RAB3C: variants seen among roughly 807,000 people sequenced by gnomAD.
RAB3C encodes the protein RAB3C, member RAS oncogene family, also known as ras-related protein Rab-3C.
A neutral mutation model predicts 26.4 loss-of-function variants in RAB3C; 17 were observed. That is an observed-to-expected ratio of 0.64 (90% CI 0.44 to 0.97). The LOEUF (loss-of-function observed/expected upper bound fraction) is 0.97. Ranked by LOEUF, RAB3C falls within the 50% of genes least tolerant of loss-of-function variation. RAB3C has a pLI of 0.00. For synonymous variants in RAB3C, 91 were observed against 95.9 expected (o/e 0.95, Z 0.30); for missense variants, 242 against 281.9 (o/e 0.86, Z 1.01).
At position 58,724,997 on chromosome 5, in the gene RAB3C, G is replaced by A. The variant is rs191412803; in HGVS notation, c.253-1005G>A. On this transcript the variant is annotated intron_variant, in intron 2 of 4. Coordinates refer to ENST00000282878, the MANE Select transcript of RAB3C (RefSeq NM_138453.4). ...ATTGCCACCACAATTGTACAGTATT[G>A]TCGGTTTGTCTATGCGCTTAATTTT... Among the ~76,000 whole-genome samples the A allele has an allele frequency of 9.2e-4, 140 of 151,934 alleles. No individual in the cohort carries two copies. In the Middle Eastern group the frequency reaches 0.01, roughly 11 times the overall value.
At chr5:58,615,465 T>A (rs1440615100) in intron 1 of RAB3C, among the ~76,000 whole-genome samples, 3 of 152,194 alleles carry the variant, frequency 2.0e-5, no homozygotes, top group African/African-American at 7.2e-5. Flanking sequence ...GGACAATGTC[T>A]GCAGGAATAG....
At chr5:58,679,259 T>C (rs1007729773) in intron 2 of RAB3C, among the ~76,000 whole-genome samples, 10 of 152,096 alleles carry the variant, frequency 6.6e-5, no homozygotes, top group Admixed American at 6.5e-4. Context: ...GGGACTTGGC[T>C]CATTTTTTTT....
intron 2 of RAB3C, among the ~76,000 whole-genome samples, chr5:58,693,336 G>GTATGTATATATATATATATATATA (rs1341115094): frequency 1.8e-5 from 2 of 111,772 alleles, no homozygotes; most frequent in African/African-American, 7.5e-5. Context: ...ATATATATGT[G>GTATGTATATATATATATATATATA]TATATATATA....
chr5:58,771,831 TTTTTTCTTTTTC>T (rs964167917), intron 3 of RAB3C, among the ~76,000 whole-genome samples: 1 of 151,514 alleles, frequency 6.6e-6, no homozygotes, highest in Non-Finnish European at 1.5e-5. Flanking sequence ...TTTTTCTTTC[TTTTTTCTTTTTC>T]TTTTTCTTTT....
intron 2 of RAB3C, among the ~76,000 whole-genome samples, chr5:58,716,850 G>A (rs1749183328): frequency 6.6e-6 from 1 of 150,960 alleles, no homozygotes; most frequent in African/African-American, 2.4e-5. Context: ...GACTTTTAGG[G>A]CAGTGAAACT....
In RAB3C at chr5:58,762,479, G is replaced by A. The variant is rs955259477; in HGVS notation, c.371+36359G>A. On this transcript the variant is annotated intron_variant, in intron 3 of 4. Transcript: ENST00000282878. Reference sequence around the variant, plus strand: ...AGGCCGAGGCAAGTGGATCACCTGAGGTCAGGAGTTCAAAACTAGCCTGGC... The same window carrying A: ...AGGCCGAGGCAAGTGGATCACCTGAAGTCAGGAGTTCAAAACTAGCCTGGC... Among the ~76,000 whole-genome samples, 10 of 152,118 alleles carry A rather than the reference G, an allele frequency of 6.6e-5. No homozygotes were observed. The South Asian group carries it at 1.0e-3, about 16-fold the overall frequency.
At chr5:58,623,224 C>T (rs914950048) in intron 2 of RAB3C, among the ~76,000 whole-genome samples, 20 of 152,158 alleles carry the variant, frequency 1.3e-4, no homozygotes, top group African/African-American at 4.3e-4. Flanking sequence ...TGTTGGAGAA[C>T]GTGAACATAA....
chr5:58,697,534 C>A (rs1438651683), intron 2 of RAB3C, among the ~76,000 whole-genome samples: 3 of 152,106 alleles, frequency 2.0e-5, no homozygotes, highest in Non-Finnish European at 4.4e-5. Context: ...GTTAAAGTCT[C>A]CCATTATTAT....
chr5:58,745,392 CAAAAAAAAA>C (rs1173604247), intron 3 of RAB3C, among the ~76,000 whole-genome samples: 4 of 33,110 alleles, frequency 1.2e-4, no homozygotes, highest in Middle Eastern at 0.025. Context: ...GACTCTGCTT[CAAAAAAAAA>C]AAAAAAAAAA....
intron 4 of RAB3C, among the ~76,000 whole-genome samples, chr5:58,836,212 A>C (rs1414926298): frequency 6.6e-6 from 1 of 152,056 alleles, no homozygotes; most frequent in East Asian, 1.9e-4. Flanking sequence ...ATCAAAGAAA[A>C]GGGAATCCAA....
chr5:58,614,479 A>AC (rs1368437576), intron 1 of RAB3C, among the ~76,000 whole-genome samples: 3 of 147,490 alleles, frequency 2.0e-5, no homozygotes, highest in Non-Finnish European at 3.0e-5. Flanking sequence ...AGGAAATAGT[A>AC]CAAAAAAAAA....
chr5:58,607,254 T>C (rs1433022194), intron 1 of RAB3C, among the ~76,000 whole-genome samples: 1 of 152,204 alleles, frequency 6.6e-6, no homozygotes. Flanking sequence ...GCATGAGAAC[T>C]TTGTGATGTA....
rs774071714 is a variant in RAB3C, at chr5:58,825,026, T to C, written c.372-12T>C. On this transcript the variant is annotated splice_polypyrimidine_tract_variant and intron_variant, in intron 3 of 4. Coordinates refer to ENST00000282878, the MANE Select transcript of RAB3C (RefSeq NM_138453.4). ...TCCTCTGATTGTGTCATGCTTCTTCTTTTTCTTTTAGGTCAACTCAAATCA... is the reference window on the plus strand; with the variant it reads ...TCCTCTGATTGTGTCATGCTTCTTCCTTTTCTTTTAGGTCAACTCAAATCA... The C allele has an allele frequency of 6.3e-7, 1 of 1,595,742 alleles. No homozygotes were observed. Among genetic ancestry groups the C allele is most frequent in the Admixed American group, 1.7e-5 (1 of 58,586 alleles).
In RAB3C at chr5:58,851,170, A is replaced by T; in HGVS notation, c.503A>T (p.Glu168Val). The change falls in exon 5 of 5, where the codon GAG (glutamate) becomes GTG (valine). Residue 168 changes from glutamate (E) to valine (V), a missense_variant. Physicochemically the swap from Glu to Val is moderately radical, Grantham distance 121 (BLOSUM62 -2). Coordinates refer to ENST00000282878, the MANE Select transcript of RAB3C (RefSeq NM_138453.4). ...GQHLGEQLGF[E>V]FFETSAKDNI... The stretch of plus-strand genomic sequence containing the variant: ...TTCTGTGTGTTTCTTCCAGGGTTTG[A>T]GTTTTTTGAAACAAGTGCCAAGGAC... 6.3e-7 allele frequency: 1 copy of T among 1,592,306 alleles called. No homozygotes were observed. Among genetic ancestry groups the T allele is most frequent in the Non-Finnish European group, 8.5e-7 (1 of 1,172,834 alleles).
Position 58,726,009 on chromosome 5 carries a change from C to A in RAB3C, c.260C>A (p.Ala87Glu). 6.3e-7 allele frequency: 1 copy of A among 1,577,118 alleles called. No individual in the cohort carries two copies. The change falls in exon 3 of 5, where the codon GCA (alanine) becomes GAA (glutamate). Residue 87 changes from alanine (A) to glutamate (E), a missense_variant. Ala to Glu is a moderately radical substitution (Grantham distance 107). Coordinates refer to ENST00000282878, the MANE Select transcript of RAB3C (RefSeq NM_138453.4). ...TTTTTTTTTATTCTTTAGGACACAG[C>A]AGGCCAGGAAAGATACAGGACTATC... ...KRIKLQIWDT[A>E]GQERYRTITT...
At position 58,695,397 on chromosome 5, in the gene RAB3C, G is replaced by T. The variant is rs111319294; in HGVS notation, c.253-30605G>T. ...GTTCTTTTTGCTTAGGATTGTTTTG[G>T]CAATGCAGGCTCTTTGTTGGTTCCA... is the stretch of plus-strand genomic sequence containing the variant. On this transcript the variant is annotated intron_variant, in intron 2 of 4. Coordinates refer to ENST00000282878, the MANE Select transcript of RAB3C (RefSeq NM_138453.4). Among the ~76,000 whole-genome samples the T allele has an allele frequency of 3.9e-3, 597 of 152,224 alleles. 1 individual carries two copies. Among genetic ancestry groups the T allele is most frequent in the African/African-American group, 0.012 (500 of 41,552 alleles).
At chr5:58,673,517 T>A (rs1275091846) in intron 2 of RAB3C, among the ~76,000 whole-genome samples, 1 of 151,530 alleles carries the variant, frequency 6.6e-6, no homozygotes, top group East Asian at 1.9e-4. Flanking sequence ...TTTATGACAA[T>A]CTCTTAAAGT....
intron 1 of RAB3C, among the ~76,000 whole-genome samples, chr5:58,615,679 C>T (rs537795406): frequency 6.6e-6 from 1 of 152,252 alleles, no homozygotes; most frequent in African/African-American, 2.4e-5. Context: ...AGGCCGACCT[C>T]TGCCCACTGG....
At chr5:58,750,189 C>T (rs1200240541) in intron 3 of RAB3C, among the ~76,000 whole-genome samples, 4 of 152,202 alleles carry the variant, frequency 2.6e-5, no homozygotes, top group Non-Finnish European at 5.9e-5. Flanking sequence ...TTCCCTCTGA[C>T]TCTTCTCAAC....
Sources: gnomAD v4.1 joint callset for allele counts (sites outside exome capture counted in the v4.1 genomes callset) on GRCh38, gnomAD v4.1.1 for gene constraint, MANE v1.5 for transcripts, NCBI Gene and HGNC (gene_info 2026-07-23, HGNC 2026-07-21) for gene names.